RASSF3: variants seen among roughly 807,000 people sequenced by gnomAD.
RASSF3 encodes Ras association domain family member 3.
RASSF3 carries 19 observed loss-of-function variants against 19.9 expected under a neutral mutation model. The observed-to-expected ratio is 0.96, with a 90% CI of 0.67 to 1.40. The LOEUF is 1.40. Ranked by LOEUF, RASSF3 falls within the 40% of genes most tolerant of loss-of-function variation. The probability of loss-of-function intolerance (pLI) is 0.00; values close to 1 mark genes in which losing one functional copy is unlikely to be tolerated. For synonymous variants in RASSF3, 110 were observed against 104.2 expected, an observed-to-expected ratio of 1.06 and a Z score of -0.34; for missense variants, 306 against 289.8, an observed-to-expected ratio of 1.06 and a Z score of -0.41.
chr12:64,694,803 G>A lies in RASSF3; in HGVS notation c.608G>A (p.Arg203His), dbSNP rs147804503. Residue 203 changes from arginine to histidine, a missense_variant, in exon 5 of 5, where the codon CGC becomes CAC. Transcript: ENST00000542104. ...FSLPELQNFLRILDKEEDEQL... is the reference protein window; with the variant it reads ...FSLPELQNFLHILDKEEDEQL... ...CTTCCAGAACTACAGAATTTCTTGC[G>A]CATCTTGGACAAGGAAGAAGATGAA... 864 of 1,614,154 alleles carry A rather than the reference G, an allele frequency of 5.4e-4. 1 individual carries two copies. Among genetic ancestry groups the A allele is most frequent in the Non-Finnish European group, 2.0e-4 (239 of 1,180,000 alleles).
chr12:64,601,628 C>T (rs1870092563), intron 2 of RASSF3, among the ~76,000 whole-genome samples: 1 of 151,604 alleles, frequency 6.6e-6, no homozygotes, highest in Non-Finnish European at 1.5e-5. Flanking sequence ...TTGAGACCAG[C>T]CTGGGCAACA....
chr12:64,529,978 T>C (rs1047915416), upstream of RASSF3, among the ~76,000 whole-genome samples: 1 of 152,132 alleles, frequency 6.6e-6, no homozygotes, highest in Non-Finnish European at 1.5e-5. Flanking sequence ...CAAACTTTTC[T>C]ACCAACCTAC....
intron 1 of RASSF3, among the ~76,000 whole-genome samples, chr12:64,536,125 AG>A (rs1334890053): frequency 1.3e-5 from 2 of 150,840 alleles, no homozygotes; most frequent in Non-Finnish European, 2.9e-5. Context: ...CAGCTACCCG[AG>A]TAGCTGGGAC....
chr12:64,510,762 T>G (rs1364755379), intron 1 of RASSF3, among the ~76,000 whole-genome samples: 1 of 152,160 alleles, frequency 6.6e-6, no homozygotes, highest in African/African-American at 2.4e-5. Context: ...GGGAGGGGTG[T>G]ATGAGAAAAG....
intron 1 of RASSF3, among the ~76,000 whole-genome samples, chr12:64,533,938 C>T (rs1256643271): frequency 6.6e-6 from 1 of 152,254 alleles, no homozygotes; most frequent in East Asian, 1.9e-4. Flanking sequence ...TTATTATTAA[C>T]AAAATCTAAG....
At chr12:64,624,149 A>T (rs935361480) in intron 1 of RASSF3, among the ~76,000 whole-genome samples, 1 of 151,974 alleles carries the variant, frequency 6.6e-6, no homozygotes, top group Non-Finnish European at 1.5e-5. Flanking sequence ...CGGAACGAGT[A>T]CGTTTCATAA....
At chr12:64,547,974 A>G (rs930588316) in intron 2 of RASSF3, among the ~76,000 whole-genome samples, 2 of 152,052 alleles carry the variant, frequency 1.3e-5, no homozygotes, top group African/African-American at 4.8e-5. Context: ...TTCAGTGTCC[A>G]TTGTCTATAT....
intron 1 of RASSF3, among the ~76,000 whole-genome samples, chr12:64,525,626 T>A (rs1868567951): frequency 6.6e-6 from 1 of 152,198 alleles, no homozygotes. Flanking sequence ...AAGATCATAA[T>A]GAGCCTTGGC....
At chr12:64,660,568 T>G (rs759040668) in intron 1 of RASSF3, among the ~76,000 whole-genome samples, 3 of 152,196 alleles carry the variant, frequency 2.0e-5, no homozygotes, top group African/African-American at 7.2e-5. Flanking sequence ...TTCTTGGCCT[T>G]TAAGGAGAAG....
chr12:64,691,395 G>T, intron 3 of RASSF3, 75 bp from the exon 4 acceptor site: 2 of 963,334 alleles, frequency 2.1e-6, no homozygotes, highest in African/African-American at 1.6e-5. Flanking sequence ...TGATCTGGAG[G>T]AGGGGATCAC....
rs988834389 is a variant in RASSF3 at position 64,613,269 on chromosome 12, C to T, written c.111+2526C>T. Among the ~76,000 whole-genome samples the T allele has an allele frequency of 3.3e-5, 5 of 151,648 alleles. No homozygotes were observed. The East Asian group carries it at 9.7e-4, about 29-fold the overall frequency. The stretch of plus-strand genomic sequence containing the variant: ...TAAGATAAGCACTTCTGACATACAT[C>T]ATAGTAGTGAAATTTATCCTTTCTC... On this transcript the variant is annotated intron_variant, in intron 1 of 4. Transcript: ENST00000542104.
chr12:64,576,453 A>T (rs80208391), intron 2 of RASSF3, among the ~76,000 whole-genome samples: 1 of 152,216 alleles, frequency 6.6e-6, no homozygotes, highest in African/African-American at 2.4e-5. Flanking sequence ...ATATCACAAG[A>T]GAATATCTCT....
At chr12:64,668,418 C>T (rs893751745) in intron 1 of RASSF3, among the ~76,000 whole-genome samples, 9 of 152,098 alleles carry the variant, frequency 5.9e-5, no homozygotes, top group East Asian at 1.9e-4. Flanking sequence ...GCTATAGGCA[C>T]GTGCCATCAC....
chr12:64,687,164 T>A (rs556579502), intron 2 of RASSF3, among the ~76,000 whole-genome samples: 15 of 152,074 alleles, frequency 9.9e-5, no homozygotes, highest in East Asian at 3.9e-4. Context: ...CAGCTAATTT[T>A]TTTTTATTTT....
chr12:64,559,009 G>A (rs995647884), intron 2 of RASSF3, among the ~76,000 whole-genome samples: 2 of 152,150 alleles, frequency 1.3e-5, no homozygotes, highest in Admixed American at 6.5e-5. Flanking sequence ...GCTGCAGCCT[G>A]ACCTTGCTAG....
intron 2 of RASSF3, among the ~76,000 whole-genome samples, chr12:64,578,632 AAAAAAAG>A (rs1014992302): frequency 8.2e-6 from 1 of 121,626 alleles, no homozygotes; most frequent in African/African-American, 3.4e-5. Flanking sequence ...CTGTCTTTAC[AAAAAAAG>A]AAAAAAAGAG....
chr12:64,576,860 A>AC (rs1869603971), intron 2 of RASSF3, among the ~76,000 whole-genome samples: 1 of 151,764 alleles, frequency 6.6e-6, no homozygotes, highest in African/African-American at 2.4e-5. Flanking sequence ...CAAAAAAAAA[A>AC]AAAAAAAAAA....
upstream of RASSF3, among the ~76,000 whole-genome samples, chr12:64,607,655 G>C (rs1004200089): frequency 5.3e-5 from 8 of 152,114 alleles, no homozygotes; most frequent in African/African-American, 1.2e-4. Context: ...CATTACAGGC[G>C]TGAGCCACCT....
chr12:64,612,015 C>A (rs1452914913), intron 1 of RASSF3, among the ~76,000 whole-genome samples: 5 of 152,100 alleles, frequency 3.3e-5, no homozygotes, highest in African/African-American at 1.2e-4. Context: ...TGTATTGTTT[C>A]TAAGGCTTAA....
Sources: allele counts gnomAD v4.1 joint callset (sites outside exome capture counted in the v4.1 genomes callset), GRCh38; gene constraint gnomAD v4.1.1; transcripts MANE v1.5; gene names NCBI Gene and HGNC (gene_info 2026-07-23, HGNC 2026-07-21).